Variants in GRB10 observed in about 807,000 individuals in gnomAD.
GRB10 encodes the protein growth factor receptor-bound protein 10.
A neutral mutation model predicts 80.9 loss-of-function variants in GRB10; 20 were observed. That is an observed-to-expected ratio of 0.25 (90% CI 0.17 to 0.36). GRB10 has a LOEUF of 0.36. GRB10 is among the 10% of genes least tolerant of loss of function. The probability of loss-of-function intolerance (pLI) is 1.00; values close to 1 mark genes in which losing one functional copy is unlikely to be tolerated. For synonymous variants in GRB10, 291 were observed against 291.5 expected (o/e 1.00, Z 0.02); for missense variants, 548 against 747.7 (o/e 0.73, Z 3.12).
chr7:50,722,395 T>G (rs996349045), intron 4 of GRB10, among the ~76,000 whole-genome samples: 1 of 152,226 alleles, frequency 6.6e-6, no homozygotes, highest in Non-Finnish European at 1.5e-5. Context: ...AGATGTTGGA[T>G]GGCACAGACA....
At chr7:50,619,066 C>T in intron 9 of GRB10, 104 bp downstream of exon 9, 1 of 734,406 alleles carries the variant, frequency 1.4e-6, no homozygotes, top group Non-Finnish European at 2.5e-6. Flanking sequence ...CCATATGCTA[C>T]ACCATGCCTC....
intron 13 of GRB10, among the ~76,000 whole-genome samples, chr7:50,608,542 T>TA (rs1169461043): frequency 6.6e-5 from 10 of 152,144 alleles, no homozygotes; most frequent in Non-Finnish European, 1.0e-4. Flanking sequence ...CATTATGTCT[T>TA]AAGAGGTTTT....
At chr7:50,664,182 C>T (rs1322880256) in intron 7 of GRB10, among the ~76,000 whole-genome samples, 4 of 152,196 alleles carry the variant, frequency 2.6e-5, no homozygotes, top group Admixed American at 6.5e-5. Context: ...ACACCCTCCT[C>T]ACACAGCAAA....
chr7:50,694,030 G>A (rs1203844517), intron 5 of GRB10, among the ~76,000 whole-genome samples: 2 of 152,106 alleles, frequency 1.3e-5, no homozygotes, highest in Non-Finnish European at 2.9e-5. Flanking sequence ...GAAGTGGGTG[G>A]GTGGGACCAC....
At chr7:50,672,683 G>C (rs74908477) in intron 6 of GRB10, among the ~76,000 whole-genome samples, 1,594 of 152,180 alleles carry the variant, frequency 0.01, 27 homozygotes, top group African/African-American at 0.035. Context: ...GAGGTTCAAG[G>C]GTCCTGGGCA....
At chr7:50,679,077 T>C (rs2061280627) in intron 5 of GRB10, among the ~76,000 whole-genome samples, 1 of 152,214 alleles carries the variant, frequency 6.6e-6, no homozygotes, top group African/African-American at 2.4e-5. Flanking sequence ...TCTGCACAAA[T>C]ATAGGTCAAA....
intron 6 of GRB10, among the ~76,000 whole-genome samples, chr7:50,670,693 T>A (rs1586672914): frequency 6.6e-6 from 1 of 152,200 alleles, no homozygotes; most frequent in African/African-American, 2.4e-5. Context: ...GAGAACCAAG[T>A]GTTTTTCAAT....
chr7:50,710,595 C>T (rs1045694524), intron 4 of GRB10, among the ~76,000 whole-genome samples: 6 of 152,098 alleles, frequency 3.9e-5, no homozygotes, highest in African/African-American at 1.4e-4. Context: ...AGCGGGAAAA[C>T]TGGATGAGAG....
chr7:50,594,677 CAACTA>C (rs1189254098), intron 18 of GRB10, among the ~76,000 whole-genome samples: 1 of 152,078 alleles, frequency 6.6e-6, no homozygotes, highest in Non-Finnish European at 1.5e-5. Context: ...ATTGTATTCT[CAACTA>C]AACTGAATTC....
At chr7:50,785,511 C>T (rs756438631), upstream of GRB10, among the ~76,000 whole-genome samples, 9 of 152,234 alleles carry the variant, frequency 5.9e-5, no homozygotes, top group Non-Finnish European at 1.3e-4. Context: ...CCCATGGTGA[C>T]GGGCACTGAC....
upstream of GRB10, among the ~76,000 whole-genome samples, chr7:50,784,796 G>A (rs908927498): frequency 3.3e-5 from 5 of 152,232 alleles, no homozygotes; most frequent in African/African-American, 7.2e-5. Flanking sequence ...CTGGAAAGTG[G>A]AGATGAAGCC....
chr7:50,606,433 A>T lies in GRB10; in HGVS notation c.1195-19T>A, dbSNP rs2048537465. On this transcript the variant is annotated intron_variant, in intron 13 of 18. Coordinates refer to ENST00000401949, the MANE Select transcript of GRB10 (RefSeq NM_001350814.2). ...TTCCATACTGGAGAGGAGAAGCCACAGTTAGTCACCGGCCCGGGAGCCCCG... is the reference window on the plus strand; with the variant it reads ...TTCCATACTGGAGAGGAGAAGCCACTGTTAGTCACCGGCCCGGGAGCCCCG... 1 of 1,603,634 alleles carries T rather than the reference A, an allele frequency of 6.2e-7. No individual in the cohort carries two copies. Among genetic ancestry groups the T allele is most frequent in the African/African-American group, 1.3e-5 (1 of 74,734 alleles).
intron 2 of GRB10, among the ~76,000 whole-genome samples, chr7:50,771,112 A>G (rs867834256): frequency 6.6e-6 from 1 of 152,194 alleles, no homozygotes. Context: ...AAAGAATCTT[A>G]GTTTTTATGG....
intron 7 of GRB10, among the ~76,000 whole-genome samples, chr7:50,642,951 C>A (rs1265444539): frequency 6.6e-6 from 1 of 152,200 alleles, no homozygotes; most frequent in African/African-American, 2.4e-5. Flanking sequence ...AGTCAATGGA[C>A]ATCTGCAGAG....
chr7:50,739,958 T>C lies in GRB10; in HGVS notation c.-46-7590A>G, dbSNP rs537132008. 2.6e-5 allele frequency among the ~76,000 whole-genome samples: 4 copies of C among 152,314 alleles called. No individual in the cohort carries two copies. In the South Asian group the frequency reaches 8.3e-4, roughly 32 times the overall value. ...ACCTCTTCCTGTGACTCCCGCTCTTTGAAAACACAGCTCATCTGCTTAAAG... is the reference window on the plus strand; with the variant it reads ...ACCTCTTCCTGTGACTCCCGCTCTTCGAAAACACAGCTCATCTGCTTAAAG... On this transcript the variant is annotated intron_variant, in intron 3 of 18. Transcript: ENST00000401949.
chr7:50,749,611 A>G (rs888049115), intron 3 of GRB10, among the ~76,000 whole-genome samples: 1 of 152,124 alleles, frequency 6.6e-6, no homozygotes, highest in Non-Finnish European at 1.5e-5. Context: ...GGAATTTGTC[A>G]TTTTCAAAGC....
chr7:50,731,212 G>A (rs1402051816), intron 4 of GRB10, among the ~76,000 whole-genome samples: 1 of 151,726 alleles, frequency 6.6e-6, no homozygotes, highest in Non-Finnish European at 1.5e-5. Flanking sequence ...TTTCTGGCTT[G>A]TAACCAATTT....
At chr7:50,642,234 A>G (rs2056385175) in intron 7 of GRB10, among the ~76,000 whole-genome samples, 2 of 152,060 alleles carry the variant, frequency 1.3e-5, no homozygotes, top group South Asian at 4.2e-4. Context: ...CTCAGAACCA[A>G]GGGGCCAGAA....
In GRB10 at chr7:50,606,404, A is replaced by G. The variant is rs1413220620; in HGVS notation, c.1205T>C (p.Leu402Pro). The G allele has an allele frequency of 6.2e-7, 1 of 1,613,906 alleles. No homozygotes were observed. Among genetic ancestry groups the G allele is most frequent in the South Asian group, 1.1e-5 (1 of 91,072 alleles). ...AGGGATTCGGTAATTCTGGTAAAGG[A>G]GCATTCCATACTGGAGAGGAGAAGC... ...TAFRLLKYGM[L>P]LYQNYRIPQQ... The change falls in exon 14 of 19, where the codon CTC becomes CCC. Residue 402 changes from leucine to proline, a missense_variant. Physicochemically the swap from Leu to Pro is moderately conservative, Grantham distance 98 (BLOSUM62 -3). Coordinates refer to ENST00000401949, the MANE Select transcript of GRB10 (RefSeq NM_001350814.2).
Sources: allele counts gnomAD v4.1 joint callset (sites outside exome capture counted in the v4.1 genomes callset), GRCh38; gene constraint gnomAD v4.1.1; transcripts MANE v1.5; gene names NCBI Gene and HGNC (gene_info 2026-07-23, HGNC 2026-07-21).